DYNC2H1: variants seen among roughly 807,000 people sequenced by gnomAD.
DYNC2H1 encodes cytoplasmic dynein 2 heavy chain 1.
Under a neutral mutation model 570.0 loss-of-function variants are expected in DYNC2H1, and 410 were observed. That is an observed-to-expected ratio of 0.72 (90% CI 0.66 to 0.78). The LOEUF is 0.78. DYNC2H1 is among the 30% of genes least tolerant of loss of function. The probability of loss-of-function intolerance (pLI) is 0.00; values close to 1 mark genes in which losing one functional copy is unlikely to be tolerated. For synonymous variants in DYNC2H1, 1,688 were observed against 1,677.6 expected (o/e 1.01, Z -0.15); for missense variants, 4,865 against 5,046.4 (o/e 0.96, Z 1.09).
chr11:103,414,915 T>G (rs1943224421), intron 84 of DYNC2H1, among the ~76,000 whole-genome samples: 1 of 152,186 alleles, frequency 6.6e-6, no homozygotes, highest in Non-Finnish European at 1.5e-5. Flanking sequence ...AATTCCATGC[T>G]TATGTACCAC....
rs1238586895 is a variant in DYNC2H1 at position 103,256,547 on chromosome 11, A to G, written c.10461+307A>G. On this transcript the variant is annotated intron_variant, in intron 68 of 88. Coordinates refer to ENST00000375735, the MANE Select transcript of DYNC2H1 (RefSeq NM_001377.3). This position sits in a 1 kb window ranked among gnomAD's most constrained non-coding sequence, Gnocchi z 4.0. ...GGAAATGAGTATATTGAAAATGAGT[A>G]TTAGAGAATATCTTTGCCGTTCTTA... Among the ~76,000 whole-genome samples, 1 of 152,192 alleles carries G rather than the reference A, an allele frequency of 6.6e-6. No individual in the cohort carries two copies. Among genetic ancestry groups the G allele is most frequent in the Non-Finnish European group, 1.5e-5 (1 of 68,024 alleles).
At chr11:103,161,272 A>G (rs909708021) in intron 29 of DYNC2H1, among the ~76,000 whole-genome samples, 6 of 152,100 alleles carry the variant, frequency 3.9e-5, no homozygotes, top group Admixed American at 3.9e-4. Flanking sequence ...TATGAAAAGA[A>G]CCTTGGCCTT....
At chr11:103,207,200 C>T (rs945015140) in intron 52 of DYNC2H1, among the ~76,000 whole-genome samples, 3 of 147,496 alleles carry the variant, frequency 2.0e-5, no homozygotes, top group Admixed American at 6.8e-5. Context: ...GGATTATAGG[C>T]GTGAGCTACC....
Position 103,281,869 on chromosome 11 carries a change from G to A in DYNC2H1, c.10762-310G>A, listed in dbSNP as rs10895390. Among the ~76,000 whole-genome samples the A allele has an allele frequency of 0.35, 52,529 of 151,798 alleles. 9,565 individuals carry two copies. The highest frequency in any genetic ancestry group is 0.45 in the African/African-American group (18,827 of 41,454). The stretch of plus-strand genomic sequence containing the variant: ...CTTATTAGCAACAAATAGCCTGTGG[G>A]AAAACAATTAACAGGTAGTGACAAA... On this transcript the variant is annotated intron_variant, in intron 71 of 88. Coordinates refer to ENST00000375735, the MANE Select transcript of DYNC2H1 (RefSeq NM_001377.3).
At chr11:103,139,464 G>A (rs1048738478) in intron 17 of DYNC2H1, among the ~76,000 whole-genome samples, 62 of 152,090 alleles carry the variant, frequency 4.1e-4, no homozygotes, top group African/African-American at 1.4e-3. Flanking sequence ...CCTTCATTTC[G>A]TTATGTACCC....
In DYNC2H1 at chr11:103,121,053, T is replaced by C. The variant is rs1326681745; in HGVS notation, c.1360+17T>C. 1 of 1,443,838 alleles carries C rather than the reference T, an allele frequency of 6.9e-7. No individual in the cohort carries two copies. Among genetic ancestry groups the C allele is most frequent in the African/African-American group, 1.4e-5 (1 of 69,316 alleles). 89.4% of individuals were successfully genotyped at this position (1,443,838 alleles called of 1,614,324 possible). The stretch of plus-strand genomic sequence containing the variant: ...CAATTAAAGGTAAAAGTTTATGAGA[T>C]TATAGTGTTTGCTTGAGAGAATATT... On this transcript the variant is annotated intron_variant, in intron 9 of 88. Transcript: ENST00000375735.
At chr11:103,135,980 C>A in intron 17 of DYNC2H1, 32 bp downstream of exon 17, 1 of 1,471,952 alleles carries the variant, frequency 6.8e-7, no homozygotes, top group Non-Finnish European at 9.1e-7. Flanking sequence ...ATCCTTCCAT[C>A]ATAAAATTAT....
At chr11:103,195,083 A>G (rs1862467863) in intron 47 of DYNC2H1, among the ~76,000 whole-genome samples, 1 of 152,184 alleles carries the variant, frequency 6.6e-6, no homozygotes, top group Non-Finnish European at 1.5e-5. Flanking sequence ...TTTGTTGGAT[A>G]TATGGTTTGC....
chr11:103,427,599 G>A (rs1339248940), intron 84 of DYNC2H1, among the ~76,000 whole-genome samples: 1 of 152,036 alleles, frequency 6.6e-6, no homozygotes, highest in African/African-American at 2.4e-5. Context: ...AAGATCAAAG[G>A]GCTGGCAGAT....
rs1942630226 is a variant in DYNC2H1, at chr11:103,401,271, A to T, written c.12366+1399A>T. The stretch of plus-strand genomic sequence containing the variant: ...AAATGTAAATGCTTCAAATTTATGT[A>T]TCAAAATATAAATGCTCTTGAGAGT... On this transcript the variant is annotated intron_variant, in intron 84 of 88. Coordinates refer to ENST00000375735, the MANE Select transcript of DYNC2H1 (RefSeq NM_001377.3). Among the ~76,000 whole-genome samples, 4 of 152,298 alleles carry T rather than the reference A, an allele frequency of 2.6e-5. No individual in the cohort carries two copies. In the South Asian group the frequency reaches 8.3e-4, roughly 32 times the overall value.
At chr11:103,169,328 A>G (rs933674811) in intron 32 of DYNC2H1, among the ~76,000 whole-genome samples, 4 of 152,172 alleles carry the variant, frequency 2.6e-5, no homozygotes, top group African/African-American at 9.6e-5. Context: ...GTGTTATTTT[A>G]AATATGCTAA....
intron 83 of DYNC2H1, among the ~76,000 whole-genome samples, chr11:103,387,684 T>A (rs1427492310): frequency 6.6e-6 from 1 of 152,184 alleles, no homozygotes; most frequent in Non-Finnish European, 1.5e-5. Flanking sequence ...TTATATAAGG[T>A]GTAAGGAAGG....
chr11:103,273,554 C>T (rs532590035), intron 70 of DYNC2H1, among the ~76,000 whole-genome samples: 15 of 152,084 alleles, frequency 9.9e-5, no homozygotes, highest in Non-Finnish European at 1.9e-4. Flanking sequence ...TGCACTTGTG[C>T]GCATGTTCTT....
chr11:103,186,408 A>C lies in DYNC2H1; in HGVS notation c.6800A>C (p.Asp2267Ala). 6.2e-7 allele frequency: 1 copy of C among 1,612,912 alleles called. No homozygotes were observed. Among genetic ancestry groups the C allele is most frequent in the Non-Finnish European group, 8.5e-7 (1 of 1,179,228 alleles). ...GLTLPVIQTP[D>A]MQRGLDYFKP... ...ACTCTTCCAGTCATTCAGACTCCTG[A>C]CATGCAACGAGGTCTAGATTATTTC... Residue 2267 changes from aspartate to alanine, a missense_variant, in exon 42 of 89, where the codon GAC becomes GCC. Asp to Ala is a moderately radical substitution (Grantham distance 126, BLOSUM62 -2). Coordinates refer to ENST00000375735, the MANE Select transcript of DYNC2H1 (RefSeq NM_001377.3). The surrounding 1 kb of genome is among the most constrained non-coding windows in gnomAD (Gnocchi z 4.5).
chr11:103,141,653 G>C (rs1481164597), intron 17 of DYNC2H1, among the ~76,000 whole-genome samples: 1 of 152,156 alleles, frequency 6.6e-6, no homozygotes, highest in Non-Finnish European at 1.5e-5. Context: ...AGGGGTCAGG[G>C]GTCAGGGGTC....
intron 83 of DYNC2H1, among the ~76,000 whole-genome samples, chr11:103,375,988 C>T (rs1941375023): frequency 6.6e-6 from 1 of 152,154 alleles, no homozygotes; most frequent in Admixed American, 6.5e-5. Context: ...TCCCCATAAT[C>T]CCCACCTGTT....
At chr11:103,393,689 C>G (rs1942269068) in intron 83 of DYNC2H1, among the ~76,000 whole-genome samples, 1 of 152,098 alleles carries the variant, frequency 6.6e-6, no homozygotes, top group African/African-American at 2.4e-5. Context: ...TTTCAGAATA[C>G]TCCTGTATTA....
chr11:103,465,116 G>A lies in DYNC2H1; in HGVS notation c.12649-3473G>A, dbSNP rs889885707. ...CACTAAAATGGATATACAATCCATA[G>A]CAGAAAAGGAGAAAAAGCAAAAAAA... On this transcript the variant is annotated intron_variant, in intron 87 of 88. Transcript: ENST00000375735. The surrounding 1 kb of genome is among the most constrained non-coding windows in gnomAD (Gnocchi z 4.9). Among the ~76,000 whole-genome samples, 1 of 151,876 alleles carries A rather than the reference G, an allele frequency of 6.6e-6. No individual in the cohort carries two copies. Among genetic ancestry groups the A allele is most frequent in the Non-Finnish European group, 1.5e-5 (1 of 67,972 alleles).
chr11:103,256,326 AG>A lies in DYNC2H1; in HGVS notation c.10461+90del. 2.3e-6 allele frequency: 3 copies of A among 1,318,550 alleles called. No individual in the cohort carries two copies. The highest frequency in any genetic ancestry group is 2.1e-6 in the Non-Finnish European group (2 of 966,466). The allele number at this position is 1,318,550 out of a possible 1,614,324, so 81.7% of individuals were successfully genotyped here. On this transcript the variant is annotated intron_variant, in intron 68 of 88. Transcript: ENST00000375735. This position sits in a 1 kb window ranked among gnomAD's most constrained non-coding sequence, Gnocchi z 4.0. ...ATAGAAAATGTAGAATCAGGTCCTC[AG>A]GGGAAAGATGATGTGAAAAGAAAAA...
Sources: gnomAD v4.1 joint callset for allele counts (sites outside exome capture counted in the v4.1 genomes callset) on GRCh38, gnomAD v4.1.1 for gene constraint, Gnocchi (gnomAD v3.1) non-coding constraint, MANE v1.5 for transcripts, NCBI Gene and HGNC (gene_info 2026-07-23, HGNC 2026-07-21) for gene names.